Variants in RIMS2 observed in about 807,000 individuals in gnomAD.
RIMS2 encodes the protein regulating synaptic membrane exocytosis protein 2.
RIMS2 carries 59 observed loss-of-function variants against 174.4 expected under a neutral mutation model. That is an observed-to-expected ratio of 0.34 (90% CI 0.27 to 0.42). RIMS2 has a LOEUF of 0.42. RIMS2 is among the 10% of genes least tolerant of loss of function. The pLI is 1.00. For missense variants in RIMS2, 1,620 were observed against 1,666.3 expected, an observed-to-expected ratio of 0.97 and a Z score of 0.48; for synonymous variants, 606 against 572.5, an observed-to-expected ratio of 1.06 and a Z score of -0.84.
chr8:103,903,717 T>C (rs2073745538), intron 4 of RIMS2, among the ~76,000 whole-genome samples: 1 of 152,154 alleles, frequency 6.6e-6, no homozygotes, highest in African/African-American at 2.4e-5. Context: ...CTTGTGTAAC[T>C]TCCTATCTGA....
At chr8:104,046,143 G>T (rs2154558214) in intron 19 of RIMS2, among the ~76,000 whole-genome samples, 1 of 152,134 alleles carries the variant, frequency 6.6e-6, no homozygotes, top group South Asian at 2.1e-4. Flanking sequence ...CTGGGGACTG[G>T]AAAGTCTAAG....
chr8:103,696,916 A>T (rs1237894102), intron 1 of RIMS2, among the ~76,000 whole-genome samples, 170 bp from the exon 4 acceptor site: 1 of 151,372 alleles, frequency 6.6e-6, no homozygotes, highest in East Asian at 1.9e-4. Context: ...TACTTTTACA[A>T]ATAATGTGCC....
chr8:103,658,600 T>C (rs1401376526), intron 1 of RIMS2, among the ~76,000 whole-genome samples: 2 of 152,130 alleles, frequency 1.3e-5, no homozygotes, highest in Admixed American at 6.5e-5. Flanking sequence ...GGACTCCCAG[T>C]GGAGAAGATT....
At chr8:103,605,733 G>C (rs944215645) in intron 1 of RIMS2, among the ~76,000 whole-genome samples, 4 of 152,140 alleles carry the variant, frequency 2.6e-5, no homozygotes, top group African/African-American at 9.7e-5. Context: ...TCTTGGGAGA[G>C]TGTATGTGTC....
chr8:103,722,298 A>G (rs1034684727), intron 2 of RIMS2, among the ~76,000 whole-genome samples: 2 of 152,132 alleles, frequency 1.3e-5, no homozygotes, highest in Admixed American at 6.6e-5. Context: ...GGATTATTCA[A>G]ACACATTACA....
intron 9 of RIMS2, 66 bp from the exon 13 acceptor site, chr8:103,921,606 G>T: frequency 2.6e-6 from 2 of 769,134 alleles, no homozygotes; most frequent in Non-Finnish European, 4.8e-6. Flanking sequence ...AAGATATATG[G>T]CAAAACTTAC....
At position 104,023,848 on chromosome 8, in the gene RIMS2, A is replaced by G. The variant is rs574765889; in HGVS notation, c.3334+9233A>G. Among the ~76,000 whole-genome samples the G allele has an allele frequency of 7.3e-4, 111 of 152,296 alleles. 1 individual carries two copies. The highest frequency in any genetic ancestry group is 1.5e-3 in the Non-Finnish European group (99 of 68,022). On this transcript the variant is annotated intron_variant, in intron 19 of 23. Transcript: ENST00000504942. ...GAAGTGTAAACTGGACCACTTTGAT[A>G]TTTTGAAGTTGGGAAGATGAAGCAA...
intron 1 of RIMS2, among the ~76,000 whole-genome samples, chr8:103,517,076 C>G (rs1261938698): frequency 6.6e-6 from 1 of 152,178 alleles, no homozygotes; most frequent in East Asian, 1.9e-4. Context: ...GAATAGGACA[C>G]AGTCTCTGCC....
chr8:103,688,223 C>T (rs1378616677), intron 1 of RIMS2, among the ~76,000 whole-genome samples: 1 of 151,974 alleles, frequency 6.6e-6, no homozygotes, highest in East Asian at 1.9e-4. Context: ...ATGATGTTAG[C>T]TGTGGGTTTG....
At chr8:103,860,463 T>C (rs984951753) in intron 3 of RIMS2, among the ~76,000 whole-genome samples, 1 of 152,202 alleles carries the variant, frequency 6.6e-6, no homozygotes, top group Non-Finnish European at 1.5e-5. Flanking sequence ...CAGTACATAC[T>C]AACAGCCATT....
At chr8:103,593,788 A>G (rs978170022) in intron 1 of RIMS2, among the ~76,000 whole-genome samples, 25 of 151,516 alleles carry the variant, frequency 1.6e-4, no homozygotes, top group African/African-American at 5.1e-4. Flanking sequence ...TTATGTTAGC[A>G]TGCAATGGAT....
At chr8:104,084,922 A>C (rs1022004682) in intron 19 of RIMS2, among the ~76,000 whole-genome samples, 1 of 152,160 alleles carries the variant, frequency 6.6e-6, no homozygotes, top group South Asian at 2.1e-4. Context: ...TTACACACCC[A>C]TATCTTTCAG....
At chr8:104,101,082 T>C (rs1454053176) in intron 19 of RIMS2, among the ~76,000 whole-genome samples, 17 of 141,264 alleles carry the variant, frequency 1.2e-4, no homozygotes, top group African/African-American at 3.9e-4. Context: ...TATTATATTA[T>C]ATATGTAATA....
Position 103,780,483 on chromosome 8 carries a change from A to G in RIMS2, c.698+13946A>G, listed in dbSNP as rs564472486. Among the ~76,000 whole-genome samples, 58 of 152,122 alleles carry G rather than the reference A, an allele frequency of 3.8e-4. 2 individuals carry two copies. In the South Asian group the frequency reaches 5.2e-3, roughly 14 times the overall value. ...TCGTATTTTCAAATGCTTGTCTTCA[A>G]GCTCTCCGATTCTTTCCTCTGCTTG... On this transcript the variant is annotated intron_variant, in intron 3 of 23. Transcript: ENST00000504942.
intron 14 of RIMS2, among the ~76,000 whole-genome samples, chr8:103,960,093 TTGATA>T (rs1342776620): frequency 6.6e-6 from 1 of 152,054 alleles, no homozygotes; most frequent in African/African-American, 2.4e-5. Context: ...ATCGACAAAA[TTGATA>T]GACCGCTAGC....
intron 19 of RIMS2, among the ~76,000 whole-genome samples, chr8:104,152,154 A>G (rs1276583876): frequency 1.3e-5 from 2 of 152,190 alleles, no homozygotes; most frequent in East Asian, 3.8e-4. Context: ...TTTTTGTCTC[A>G]AAAACATTGT....
At chr8:103,856,454 A>C (rs2099028202) in intron 3 of RIMS2, among the ~76,000 whole-genome samples, 1 of 152,220 alleles carries the variant, frequency 6.6e-6, no homozygotes, top group Admixed American at 6.5e-5. Flanking sequence ...TGACTTTTAT[A>C]CTGGAATGGC....
At chr8:104,202,818 T>A (rs2099061513) in intron 19 of RIMS2, among the ~76,000 whole-genome samples, 1 of 152,240 alleles carries the variant, frequency 6.6e-6, no homozygotes, top group African/African-American at 2.4e-5. Flanking sequence ...ATATGAATTT[T>A]GGAGGAACAC....
At chr8:103,595,894 G>T (rs1588553901) in intron 1 of RIMS2, among the ~76,000 whole-genome samples, 1 of 151,948 alleles carries the variant, frequency 6.6e-6, no homozygotes, top group East Asian at 1.9e-4. Flanking sequence ...ATAAACAGCG[G>T]GAGGTTTTTG....
Sources: gnomAD v4.1 joint callset for allele counts (sites outside exome capture counted in the v4.1 genomes callset) on GRCh38, gnomAD v4.1.1 for gene constraint, MANE v1.5 for transcripts, NCBI Gene and HGNC (gene_info 2026-07-23, HGNC 2026-07-21) for gene names.